NCKAP5: variants seen among roughly 807,000 people sequenced by gnomAD.
NCKAP5 encodes NCK associated protein 5, also known as nck-associated protein 5.
NCKAP5 carries 92 observed loss-of-function variants against 167.0 expected under a neutral mutation model. The ratio of observed to expected loss-of-function variants is 0.55; its 90% CI spans 0.47 to 0.66. The LOEUF (loss-of-function observed/expected upper bound fraction) is 0.66. Ranked by LOEUF, NCKAP5 falls within the 30% of genes least tolerant of loss-of-function variation. NCKAP5 has a pLI of 0.00. For missense variants in NCKAP5, 2,378 were observed against 2,315.0 expected (o/e 1.03, Z -0.56); for synonymous variants, 891 against 877.4 (o/e 1.02, Z -0.27).
chr2:133,244,549 C>T lies in NCKAP5; in HGVS notation c.144-30770G>A, dbSNP rs775051582. On this transcript the variant is annotated intron_variant, in intron 4 of 19. Coordinates refer to ENST00000409261, the MANE Select transcript of NCKAP5 (RefSeq NM_207363.3). ...AACAGAATTAAAGGACTTAACCACACCTTAAGAAATGCCATAAAGATATAG... is the reference window on the plus strand; with the variant it reads ...AACAGAATTAAAGGACTTAACCACATCTTAAGAAATGCCATAAAGATATAG... Among the ~76,000 whole-genome samples the T allele has an allele frequency of 3.6e-4, 55 of 152,084 alleles. 2 individuals carry two copies. The Middle Eastern group carries it at 0.044, about 122-fold the overall frequency.
Position 132,680,186 on chromosome 2 carries a change from TGGACAC to T in NCKAP5, c.5714-6887_5714-6882del, listed in dbSNP as rs201757819. Among the ~76,000 whole-genome samples the T allele has an allele frequency of 4.8e-3, 733 of 152,224 alleles. 4 individuals are homozygous for T. The highest frequency in any genetic ancestry group is 0.017 in the African/African-American group (700 of 41,546). Reference sequence around the variant, plus strand: ...GCTCGGTTCCCTCTATTACCTCAACTGGACACATTACTCTTGACTTGCCCTTCTGAA... The same window carrying T: ...GCTCGGTTCCCTCTATTACCTCAACTATTACTCTTGACTTGCCCTTCTGAA... On this transcript the variant is annotated intron_variant, in intron 19 of 19. Coordinates refer to ENST00000409261, the MANE Select transcript of NCKAP5 (RefSeq NM_207363.3).
chr2:132,769,111 A>AT (rs1218131109), intron 16 of NCKAP5, among the ~76,000 whole-genome samples: 2 of 151,370 alleles, frequency 1.3e-5, no homozygotes, highest in African/African-American at 4.9e-5. Context: ...TGCCTGACTA[A>AT]TTTTTTAAAA....
At chr2:133,625,738 G>C in the NCKAP5 span, among the ~76,000 whole-genome samples, 1 of 151,856 alleles carries the variant, frequency 6.6e-6, no homozygotes, top group African/African-American at 2.4e-5. Context: ...GGGCGTAGTG[G>C]CGGGCACCTG....
intron 11 of NCKAP5, among the ~76,000 whole-genome samples, chr2:132,844,571 A>G (rs1176877339): frequency 5.3e-5 from 8 of 152,112 alleles, no homozygotes. Flanking sequence ...TTGCAACTTT[A>G]CTTTTTCACT....
rs201063792 is a variant in NCKAP5, at chr2:132,784,079, G to A, written c.2732C>T (p.Thr911Met). Reference protein sequence around the residue: ...IESSDSGEPPTRDEHCGSGPE... With the variant: ...IESSDSGEPPMRDEHCGSGPE... ...CCCAGAGCCACAGTGTTCATCCCTC[G>A]TGGGGGGCTCTCCACTGTCACTAGA... The change falls in exon 14 of 20, where the codon ACG (threonine) becomes ATG (methionine). Residue 911 changes from threonine to methionine, a missense_variant. Physicochemically the swap from Thr to Met is moderately conservative, Grantham distance 81 (BLOSUM62 -1). Coordinates refer to ENST00000409261, the MANE Select transcript of NCKAP5 (RefSeq NM_207363.3). 2.0e-5 allele frequency: 31 copies of A among 1,522,056 alleles called. No individual in the cohort carries two copies. The African/African-American group carries it at 3.1e-4, about 15-fold the overall frequency. The allele number at this position is 1,522,056 out of a possible 1,614,324, so 94.3% of individuals were successfully genotyped here.
chr2:132,826,626 T>C (rs1370186723), intron 11 of NCKAP5, among the ~76,000 whole-genome samples: 1 of 152,208 alleles, frequency 6.6e-6, no homozygotes, highest in Non-Finnish European at 1.5e-5. Context: ...GAGACTTTCA[T>C]GTTTAATAGA....
chr2:133,625,964 T>A, the NCKAP5 span, among the ~76,000 whole-genome samples: 3 of 152,182 alleles, frequency 2.0e-5, no homozygotes, highest in African/African-American at 4.8e-5. Flanking sequence ...AAAATTTTTT[T>A]AAACTTAATT....
the NCKAP5 span, among the ~76,000 whole-genome samples, chr2:133,598,342 G>C: frequency 2.0e-5 from 3 of 152,248 alleles, no homozygotes; most frequent in East Asian, 3.9e-4. Flanking sequence ...GAAGATCCTG[G>C]GGAAAACTCA....
chr2:133,260,543 G>C (rs1338650520), intron 4 of NCKAP5, among the ~76,000 whole-genome samples: 1 of 152,148 alleles, frequency 6.6e-6, no homozygotes, highest in Non-Finnish European at 1.5e-5. Flanking sequence ...CCATGTCACA[G>C]TAATGCAGGC....
At chr2:133,391,131 C>G (rs1455171677) in intron 3 of NCKAP5, 3 of 152,178 alleles carry the variant, frequency 2.0e-5, no homozygotes, top group African/African-American at 7.2e-5. Flanking sequence ...CAACTACCAT[C>G]TACTTTCTGA....
At chr2:133,564,729 G>A (rs1688425215) in intron 1 of NCKAP5, among the ~76,000 whole-genome samples, 1 of 152,112 alleles carries the variant, frequency 6.6e-6, no homozygotes, top group Non-Finnish European at 1.5e-5. Flanking sequence ...TAAGTAGGGA[G>A]GGAGACACCA....
chr2:132,731,760 C>A lies in NCKAP5; in HGVS notation c.5420G>T (p.Arg1807Leu). 6.3e-7 allele frequency: 1 copy of A among 1,592,666 alleles called. No homozygotes were observed. The highest frequency in any genetic ancestry group is 8.6e-7 in the Non-Finnish European group (1 of 1,164,680). Residue 1807 changes from arginine (R) to leucine (L), a missense_variant, in exon 17 of 20, where the codon CGC becomes CTC. Arg to Leu is a moderately radical substitution (Grantham distance 102). Transcript: ENST00000409261. ...TARGMRPLQS[R>L]LPKPASSGKV... ...ACCTGAGGAAGCTGGTTTGGGGAGG[C>A]GGCTCTGAAGAGGCCTCATCCCTCT...
intron 3 of NCKAP5, among the ~76,000 whole-genome samples, chr2:133,384,920 T>C (rs1014433205): frequency 3.9e-5 from 6 of 152,238 alleles, no homozygotes; most frequent in Non-Finnish European, 5.9e-5. Context: ...TTGCTGAAGT[T>C]GCCTATCAGC....
intron 3 of NCKAP5, among the ~76,000 whole-genome samples, chr2:133,312,749 T>A (rs1337420686): frequency 1.3e-5 from 2 of 152,208 alleles, no homozygotes; most frequent in South Asian, 4.1e-4. Context: ...ACACTGTATT[T>A]TGGGCTTTCT....
chr2:133,321,574 C>G (rs1682055721), intron 3 of NCKAP5, among the ~76,000 whole-genome samples: 1 of 152,180 alleles, frequency 6.6e-6, no homozygotes, highest in Non-Finnish European at 1.5e-5. Context: ...CATTTGAAGA[C>G]TACATCTATC....
intron 4 of NCKAP5, among the ~76,000 whole-genome samples, chr2:133,277,549 G>A (rs1252152965): frequency 6.6e-6 from 1 of 152,122 alleles, no homozygotes; most frequent in Non-Finnish European, 1.5e-5. Context: ...TTCTATAACA[G>A]AATGACTCAA....
At chr2:133,348,196 G>T (rs1684108875) in intron 3 of NCKAP5, among the ~76,000 whole-genome samples, 1 of 152,110 alleles carries the variant, frequency 6.6e-6, no homozygotes, top group African/African-American at 2.4e-5. Flanking sequence ...CTTTAAACTA[G>T]AAAGTTCCTG....
intron 5 of NCKAP5, among the ~76,000 whole-genome samples, chr2:133,183,992 G>C (rs763476136): frequency 1.3e-5 from 2 of 151,768 alleles, no homozygotes; most frequent in Non-Finnish European, 2.9e-5. Flanking sequence ...GTTACATTCA[G>C]AGTGTACACG....
intron 3 of NCKAP5, among the ~76,000 whole-genome samples, chr2:133,382,993 A>G (rs565138454): frequency 1.6e-4 from 25 of 152,286 alleles, no homozygotes; most frequent in African/African-American, 5.3e-4. Flanking sequence ...TAAGCCACTG[A>G]TTATGCTTAA....
Sources: gnomAD v4.1 joint callset for allele counts (sites outside exome capture counted in the v4.1 genomes callset) on GRCh38, gnomAD v4.1.1 for gene constraint, MANE v1.5 for transcripts, NCBI Gene and HGNC (gene_info 2026-07-23, HGNC 2026-07-21) for gene names.